The following FPR3 variants were observed in gnomAD, a reference collection of about 807,000 sequenced individuals.
FPR3 encodes the protein N-formyl peptide receptor 3.
For synonymous variants in FPR3, 135 were observed against 163.6 expected (o/e 0.83, Z 1.34); for missense variants, 346 against 443.2 (o/e 0.78, Z 1.97).
intron 1 of FPR3, among the ~76,000 whole-genome samples, chr19:51,814,871 G>A (rs1178784521): frequency 6.6e-6 from 1 of 151,562 alleles, no homozygotes; most frequent in Non-Finnish European, 1.5e-5. Flanking sequence ...GTGCAGTGGC[G>A]CCATCTCAGC....
intron 1 of FPR3, among the ~76,000 whole-genome samples, chr19:51,799,913 A>G (rs1030759286): frequency 1.3e-5 from 2 of 152,188 alleles, no homozygotes; most frequent in Admixed American, 6.5e-5. Context: ...AGCCAGAGAG[A>G]GCTGGCCAGG....
intron 1 of FPR3, among the ~76,000 whole-genome samples, chr19:51,812,524 G>A (rs1475513595): frequency 1.3e-5 from 2 of 152,142 alleles, no homozygotes; most frequent in Non-Finnish European, 2.9e-5. Context: ...CATTTGGCTA[G>A]CATGTTCTGT....
intron 1 of FPR3, among the ~76,000 whole-genome samples, chr19:51,813,889 G>A (rs563905607): frequency 4.6e-5 from 7 of 152,166 alleles, no homozygotes; most frequent in African/African-American, 1.7e-4. Context: ...CAGTTTTTTT[G>A]TTTATCTTCA....
rs774034054 is a variant in FPR3 at position 51,825,148 on chromosome 19, C to T, written c.*338C>T. ...CAACCAGCTTCAATCAGGGTTCCCA[C>T]TACCCCCTCTTTGGGGGTAGAGTGG... is the stretch of plus-strand genomic sequence containing the variant. On this transcript the variant is annotated 3_prime_UTR_variant, in exon 2 of 2. Transcript: ENST00000339223. The T allele has an allele frequency of 1.0e-4, 25 of 245,348 alleles. No homozygotes were observed. The highest frequency in any genetic ancestry group is 1.8e-4 in the Non-Finnish European group (21 of 118,716). 15.2% of individuals were successfully genotyped at this position (245,348 alleles called of 1,614,324 possible).
intron 1 of FPR3, among the ~76,000 whole-genome samples, chr19:51,810,455 C>T (rs991324698): frequency 2.6e-5 from 4 of 152,168 alleles, no homozygotes; most frequent in Admixed American, 1.3e-4. Flanking sequence ...TACTGGGACT[C>T]CCTCTTCAGG....
rs192465505 is a variant in FPR3, at chr19:51,799,150, C to G, written c.-11+3819C>G. On this transcript the variant is annotated intron_variant, in intron 1 of 1. Transcript: ENST00000339223. ...AACTTGAAGTGCGCCACACCCCACTCCCACTGCCAGTTGCCACCCCCGTCA... is the reference window on the plus strand; with the variant it reads ...AACTTGAAGTGCGCCACACCCCACTGCCACTGCCAGTTGCCACCCCCGTCA... Among the ~76,000 whole-genome samples, 141 of 152,242 alleles carry G rather than the reference C, an allele frequency of 9.3e-4. 2 individuals carry two copies. The East Asian group carries it at 0.027, about 29-fold the overall frequency.
intron 1 of FPR3, among the ~76,000 whole-genome samples, chr19:51,805,464 G>A (rs141737097): frequency 0.059 from 8,986 of 152,240 alleles, 385 homozygotes; most frequent in Middle Eastern, 0.095. Context: ...GGTGATGTTG[G>A]ATGTGAAAGC....
At chr19:51,808,101 T>G (rs759220703) in intron 1 of FPR3, among the ~76,000 whole-genome samples, 3 of 152,230 alleles carry the variant, frequency 2.0e-5, no homozygotes, top group Non-Finnish European at 4.4e-5. Flanking sequence ...AAGCTGTAAT[T>G]TGGCTTCTGC....
intron 1 of FPR3, among the ~76,000 whole-genome samples, chr19:51,808,644 T>A (rs550414132): frequency 6.6e-6 from 1 of 152,262 alleles, no homozygotes; most frequent in Admixed American, 6.5e-5. Context: ...ATCCTTCTCG[T>A]GTAAGGGTGT....
At chr19:51,797,628 A>C (rs936706150) in intron 1 of FPR3, among the ~76,000 whole-genome samples, 1 of 152,194 alleles carries the variant, frequency 6.6e-6, no homozygotes, top group Admixed American at 6.5e-5. Context: ...GCTTACACAT[A>C]TTAACACATC....
At chr19:51,803,959 T>C (rs1275190073) in intron 1 of FPR3, 7 of 152,190 alleles carry the variant, frequency 4.6e-5, no homozygotes, top group Non-Finnish European at 1.0e-4. Context: ...GGGACACTTA[T>C]CACAAAGAAA....
rs58620565 is a variant in FPR3, at chr19:51,795,504, C to CTTTTTTTTTTTTTTTTTTTTTT, written c.-11+181_-11+202dup. Among the ~76,000 whole-genome samples the CTTTTTTTTTTTTTTTTTTTTTT allele has an allele frequency of 3.2e-4, 24 of 74,740 alleles. 6 individuals carry two copies. Among genetic ancestry groups the CTTTTTTTTTTTTTTTTTTTTTT allele is most frequent in the East Asian group, 1.7e-3 (3 of 1,814 alleles). 49.0% of individuals were successfully genotyped at this position (74,740 alleles called of 152,430 possible). On this transcript the variant is annotated intron_variant, in intron 1 of 1. Coordinates refer to ENST00000339223, the MANE Select transcript of FPR3 (RefSeq NM_002030.5). Reference sequence around the variant, plus strand: ...TTTGGTTACATGTTCCAGTAACATTCTTTTTTTTTTTTTTTTTTTTTTTTT... The same window carrying CTTTTTTTTTTTTTTTTTTTTTT: ...TTTGGTTACATGTTCCAGTAACATTCTTTTTTTTTTTTTTTTTTTTTTTTTTTTTTTTTTTTTTTTTTTTTTT...
chr19:51,810,469 T>C (rs915641507), intron 1 of FPR3, among the ~76,000 whole-genome samples: 5 of 152,182 alleles, frequency 3.3e-5, no homozygotes, highest in African/African-American at 1.2e-4. Flanking sequence ...CTTCAGGAAT[T>C]GCGGCCCAGG....
At chr19:51,801,664 C>G (rs2122414395) in intron 1 of FPR3, among the ~76,000 whole-genome samples, 1 of 152,204 alleles carries the variant, frequency 6.6e-6, no homozygotes, top group East Asian at 1.9e-4. Flanking sequence ...GCCTGTAATC[C>G]CAGCTACTCA....
At chr19:51,808,452 T>A (rs1432268185) in intron 1 of FPR3, among the ~76,000 whole-genome samples, 1 of 152,202 alleles carries the variant, frequency 6.6e-6, no homozygotes, top group East Asian at 1.9e-4. Flanking sequence ...AAGAATATCA[T>A]CCATATAATG....
chr19:51,803,754 T>A (rs2084039991), intron 1 of FPR3: 1 of 152,136 alleles, frequency 6.6e-6, no homozygotes, highest in South Asian at 2.1e-4. Flanking sequence ...ATGGGCTAAT[T>A]AATAGACTCC....
At position 51,824,903 on chromosome 19, in the gene FPR3, C is replaced by T; in HGVS notation, c.*93C>T. ...GTGTTTTTCTTCCTCTTTCATACCA[C>T]CACCACCACAATCATCAACATAAAG... is the stretch of plus-strand genomic sequence containing the variant. On this transcript the variant is annotated 3_prime_UTR_variant, in exon 2 of 2. Coordinates refer to ENST00000339223, the MANE Select transcript of FPR3 (RefSeq NM_002030.5). The surrounding 1 kb of genome is among the most constrained non-coding windows in gnomAD (Gnocchi z 4.7). The T allele has an allele frequency of 1.1e-6, 1 of 941,116 alleles. No individual in the cohort carries two copies. The highest frequency in any genetic ancestry group is 1.6e-6 in the Non-Finnish European group (1 of 630,328). The allele number at this position is 941,116 out of a possible 1,614,324, so 58.3% of individuals were successfully genotyped here. A position where few individuals can be genotyped will look rare whatever the true frequency, so the allele number is the denominator to read the frequency against.
intron 1 of FPR3, chr19:51,805,098 G>C (rs1054671598): frequency 4.6e-5 from 7 of 152,350 alleles, no homozygotes; most frequent in African/African-American, 1.7e-4. Context: ...ACAGTTTGCT[G>C]TTTGATCATA....
intron 1 of FPR3, among the ~76,000 whole-genome samples, chr19:51,798,886 C>T (rs996795461): frequency 5.3e-5 from 8 of 151,940 alleles, no homozygotes; most frequent in African/African-American, 1.9e-4. Context: ...CACCTGTAAT[C>T]CCAGCACTTT....
Sources: gnomAD v4.1 joint callset for allele counts (sites outside exome capture counted in the v4.1 genomes callset) on GRCh38, gnomAD v4.1.1 for gene constraint, Gnocchi (gnomAD v3.1) non-coding constraint, MANE v1.5 for transcripts, NCBI Gene and HGNC (gene_info 2026-07-23, HGNC 2026-07-21) for gene names.